STXBP4: variants seen among roughly 807,000 people sequenced by gnomAD.
STXBP4 encodes the protein syntaxin-binding protein 4.
Under a neutral mutation model 76.1 loss-of-function variants are expected in STXBP4, and 55 were observed. The observed-to-expected ratio is 0.72, with a 90% CI of 0.58 to 0.91. The LOEUF (loss-of-function observed/expected upper bound fraction) is 0.91, where lower values mean the gene tolerates loss of function less well. Ranked by LOEUF, STXBP4 falls within the 40% of genes least tolerant of loss-of-function variation. The probability of loss-of-function intolerance (pLI) is 0.00; values close to 1 mark genes in which losing one functional copy is unlikely to be tolerated. For synonymous variants in STXBP4, 201 were observed against 220.2 expected, an observed-to-expected ratio of 0.91 and a Z score of 0.77; for missense variants, 618 against 636.9, an observed-to-expected ratio of 0.97 and a Z score of 0.32.
At chr17:55,020,638 T>C (rs1434412729) in intron 8 of STXBP4, among the ~76,000 whole-genome samples, 1 of 152,050 alleles carries the variant, frequency 6.6e-6, no homozygotes, top group African/African-American at 2.4e-5. Context: ...GCCAACATGG[T>C]GAAGCACTGT....
chr17:55,193,037 ACAGACT>A, the STXBP4 span, among the ~76,000 whole-genome samples: 1 of 152,206 alleles, frequency 6.6e-6, no homozygotes, highest in Non-Finnish European at 1.5e-5. Flanking sequence ...TTGAGTGCCA[ACAGACT>A]CAGAAAAGAG....
At chr17:55,085,301 A>G (rs1037526718) in intron 16 of STXBP4, among the ~76,000 whole-genome samples, 5 of 152,150 alleles carry the variant, frequency 3.3e-5, no homozygotes, top group South Asian at 2.1e-4. Flanking sequence ...AGGCACATGT[A>G]TACATATGTA....
chr17:55,099,992 T>C (rs2079544588), intron 16 of STXBP4, among the ~76,000 whole-genome samples: 1 of 152,092 alleles, frequency 6.6e-6, no homozygotes, highest in South Asian at 2.1e-4. Context: ...TGAGTGAGGA[T>C]GATACACCAT....
chr17:55,006,491 G>A (rs2078009893), intron 7 of STXBP4, among the ~76,000 whole-genome samples: 1 of 152,142 alleles, frequency 6.6e-6, no homozygotes, highest in Non-Finnish European at 1.5e-5. Flanking sequence ...TAGATAGTAA[G>A]ATCAATATGA....
chr17:54,982,278 A>G (rs1361247827), intron 1 of STXBP4, among the ~76,000 whole-genome samples: 2 of 152,160 alleles, frequency 1.3e-5, no homozygotes, highest in Admixed American at 1.3e-4. Flanking sequence ...CAAACACCAT[A>G]TGCGTTATGG....
chr17:55,100,505 A>C (rs1335948099), intron 16 of STXBP4, among the ~76,000 whole-genome samples: 1 of 152,250 alleles, frequency 6.6e-6, no homozygotes, highest in Non-Finnish European at 1.5e-5. Flanking sequence ...ATGGACAAAG[A>C]AACAACCTAG....
At chr17:55,039,565 T>C (rs1022512632) in intron 10 of STXBP4, among the ~76,000 whole-genome samples, 1 of 151,940 alleles carries the variant, frequency 6.6e-6, no homozygotes, top group Admixed American at 6.6e-5. Context: ...TAGAGGACTA[T>C]AGAAATAATC....
intron 8 of STXBP4, chr17:55,030,933 A>G (rs2078496238): frequency 5.3e-6 from 2 of 378,508 alleles, no homozygotes; most frequent in Admixed American, 3.9e-5. Context: ...ACAATGTCAT[A>G]AATTTGGTAT....
the STXBP4 span, among the ~76,000 whole-genome samples, chr17:55,193,402 C>G: frequency 6.6e-6 from 1 of 152,072 alleles, no homozygotes; most frequent in African/African-American, 2.4e-5. Flanking sequence ...GATTCTTGAG[C>G]ACAGTTTGAG....
intron 17 of STXBP4, among the ~76,000 whole-genome samples, chr17:55,158,828 A>T (rs2080308729): frequency 6.6e-6 from 1 of 152,250 alleles, no homozygotes; most frequent in Non-Finnish European, 1.5e-5. Flanking sequence ...ATAAACAAGC[A>T]TTTATAATTT....
intron 8 of STXBP4, among the ~76,000 whole-genome samples, chr17:55,014,383 G>A (rs1301067415): frequency 1.3e-5 from 2 of 152,064 alleles, no homozygotes; most frequent in African/African-American, 2.4e-5. Context: ...AAGGGAGTGG[G>A]GCTTTCAGGC....
At chr17:55,103,795 T>C (rs958339494) in intron 16 of STXBP4, among the ~76,000 whole-genome samples, 1 of 152,202 alleles carries the variant, frequency 6.6e-6, no homozygotes, top group Non-Finnish European at 1.5e-5. Flanking sequence ...GTTTGTGTCC[T>C]CTAATTTCCT....
At chr17:55,003,130 G>A (rs1320084982) in intron 7 of STXBP4, among the ~76,000 whole-genome samples, 3 of 152,134 alleles carry the variant, frequency 2.0e-5, no homozygotes, top group Non-Finnish European at 2.9e-5. Flanking sequence ...ACTGAACACA[G>A]GAGATCGTTT....
At chr17:55,143,607 T>G (rs1334425566) in intron 17 of STXBP4, among the ~76,000 whole-genome samples, 1 of 152,160 alleles carries the variant, frequency 6.6e-6, no homozygotes, top group Non-Finnish European at 1.5e-5. Flanking sequence ...TGGGCTGGTC[T>G]CCCACTATAA....
intron 1 of STXBP4, among the ~76,000 whole-genome samples, chr17:54,971,602 ATATT>A (rs1329387563): frequency 2.0e-5 from 3 of 152,224 alleles, no homozygotes; most frequent in Admixed American, 6.5e-5. Flanking sequence ...TGGGGGATAT[ATATT>A]AAATTCTTTA....
intron 16 of STXBP4, among the ~76,000 whole-genome samples, chr17:55,113,372 T>C (rs2079745302): frequency 6.6e-6 from 1 of 151,974 alleles, no homozygotes; most frequent in African/African-American, 2.4e-5. Flanking sequence ...ATACATACAA[T>C]AAAAATGAAT....
intron 16 of STXBP4, among the ~76,000 whole-genome samples, chr17:55,140,178 C>T (rs1462741259): frequency 6.6e-6 from 1 of 151,956 alleles, no homozygotes; most frequent in Non-Finnish European, 1.5e-5. Flanking sequence ...AATGGTGGCA[C>T]GTACCTATAG....
chr17:55,088,839 A>G (rs1231079617), intron 16 of STXBP4, among the ~76,000 whole-genome samples: 1 of 152,192 alleles, frequency 6.6e-6, no homozygotes, highest in Non-Finnish European at 1.5e-5. Flanking sequence ...TCTCCCATGT[A>G]TAAGGAACAT....
At chr17:55,011,510 T>TTTTTTTTTC (rs1256622447) in intron 8 of STXBP4, among the ~76,000 whole-genome samples, 6 of 141,124 alleles carry the variant, frequency 4.3e-5, no homozygotes, top group African/African-American at 1.3e-4. Flanking sequence ...TTCTTTTTCT[T>TTTTTTTTTC]TTTTTTTTTT....
Sources: allele counts gnomAD v4.1 joint callset (sites outside exome capture counted in the v4.1 genomes callset), GRCh38; gene constraint gnomAD v4.1.1; transcripts MANE v1.5; gene names NCBI Gene and HGNC (gene_info 2026-07-23, HGNC 2026-07-21).